MRPL20: variants seen among roughly 807,000 people sequenced by gnomAD.
The protein encoded by MRPL20 is mitochondrial ribosomal protein L20, also known as large ribosomal subunit protein bL20m.
Under a neutral mutation model 20.0 loss-of-function variants are expected in MRPL20, and 21 were observed. The observed-to-expected ratio is 1.05, with a 90% CI of 0.74 to 1.51. The LOEUF is 1.51. Among genes scored for constraint, MRPL20 ranks in the 40% most tolerant of loss-of-function variants. The pLI, the probability that MRPL20 is intolerant of heterozygous loss-of-function variation, is 0.00. For missense variants in MRPL20, 252 were observed against 185.6 expected, an observed-to-expected ratio of 1.36 and a Z score of -2.08; for synonymous variants, 104 against 73.0, an observed-to-expected ratio of 1.43 and a Z score of -2.17.
rs758238700 is a variant in MRPL20 at position 1,405,742 on chromosome 1, C to G, written c.276+67G>C. 25 of 1,613,616 alleles carry G rather than the reference C, an allele frequency of 1.5e-5. No homozygotes were observed. In the African/African-American group the frequency reaches 3.2e-4, roughly 21 times the overall value. On this transcript the variant is annotated intron_variant, in intron 3 of 3. Transcript: ENST00000344843. ...TTAGCTGGGACTACAGGAAGCACCA[C>G]CACGCCCCGCATGATGGTTTCTGCA... is the stretch of plus-strand genomic sequence containing the variant.
intron 2 of MRPL20, 65 bp from the exon 3 acceptor site, chr1:1,405,951 CTAAT>C: frequency 6.4e-7 from 1 of 1,554,660 alleles, no homozygotes; most frequent in Non-Finnish European, 8.7e-7. Context: ...AGCAAAGCCT[CTAAT>C]TGATCTAAAG....
At chr1:1,402,507 C>A in intron 3 of MRPL20, 2 of 1,238,712 alleles carry the variant, frequency 1.6e-6, no homozygotes, top group Non-Finnish European at 2.0e-6. Flanking sequence ...GATGTCGGCC[C>A]GGGGAACCAA....
intron 3 of MRPL20, 96 bp from the exon 4 acceptor site, chr1:1,402,352 C>T: frequency 6.8e-7 from 1 of 1,475,188 alleles, no homozygotes. Context: ...CCCAGCTGCA[C>T]ACTCGCCTGG....
intron 2 of MRPL20, chr1:1,406,093 C>T (rs2100398459): frequency 3.2e-6 from 2 of 616,288 alleles, no homozygotes; most frequent in South Asian, 4.2e-5. Context: ...CGGTGTCTCA[C>T]GCCTGTAATC....
At chr1:1,402,989 C>T (rs1372606019) in intron 3 of MRPL20, among the ~76,000 whole-genome samples, 4 of 151,942 alleles carry the variant, frequency 2.6e-5, no homozygotes, top group East Asian at 1.9e-4. Context: ...ATGAGCTGGG[C>T]ATGGTGGTAG....
chr1:1,405,804 C>T lies in MRPL20; in HGVS notation c.276+5G>A. 2 of 1,614,146 alleles carry T rather than the reference C, an allele frequency of 1.2e-6. No homozygotes were observed. Among genetic ancestry groups the T allele is most frequent in the Non-Finnish European group, 1.7e-6 (2 of 1,180,032 alleles). ...TTTCAGTGGGACCCACATACTCACC[C>T]ATACCTTAACTAAATTCCCAATGAG... On this transcript the variant is annotated splice_donor_5th_base_variant and intron_variant, in intron 3 of 3. Coordinates refer to ENST00000344843, the MANE Select transcript of MRPL20 (RefSeq NM_017971.4).
intron 3 of MRPL20, among the ~76,000 whole-genome samples, chr1:1,403,639 G>A (rs1275167509): frequency 6.6e-6 from 1 of 151,946 alleles, no homozygotes; most frequent in Non-Finnish European, 1.5e-5. Context: ...ACCAAAGAGT[G>A]CCTTCTGCAA....
At chr1:1,405,315 C>T (rs186099623) in intron 3 of MRPL20, 1 of 324,692 alleles carries the variant, frequency 3.1e-6, no homozygotes, top group African/African-American at 2.1e-5. Flanking sequence ...CTGCTCTCAC[C>T]TAGGCTAGAG....
In MRPL20 at chr1:1,401,958, G is replaced by T; in HGVS notation, c.*125C>A. 1 of 1,078,198 alleles carries T rather than the reference G, an allele frequency of 9.3e-7. No homozygotes were observed. The highest frequency in any genetic ancestry group is 1.3e-6 in the Non-Finnish European group (1 of 751,618). 66.8% of individuals were successfully genotyped at this position (1,078,198 alleles called of 1,614,324 possible). A position where few individuals can be genotyped will look rare whatever the true frequency, so the allele number is the denominator to read the frequency against. On this transcript the variant is annotated 3_prime_UTR_variant, in exon 4 of 4. Coordinates refer to ENST00000344843, the MANE Select transcript of MRPL20 (RefSeq NM_017971.4). ...CACAAAACATGGACATCATCTGTGAGGCTCTGTCCCAGAGAGACAGGGCCA... is the reference window on the plus strand; with the variant it reads ...CACAAAACATGGACATCATCTGTGATGCTCTGTCCCAGAGAGACAGGGCCA...
At chr1:1,402,468 A>C in intron 3 of MRPL20, 1 of 1,320,876 alleles carries the variant, frequency 7.6e-7, no homozygotes. Flanking sequence ...GCACCTGTGG[A>C]ATCTGCAGGG....
rs376242585 is a variant in MRPL20, at chr1:1,402,721, G to T, written c.277-465C>A. 2.7e-5 allele frequency: 21 copies of T among 770,126 alleles called. No homozygotes were observed. In the African/African-American group the frequency reaches 3.6e-4, roughly 13 times the overall value. 47.7% of individuals were successfully genotyped at this position (770,126 alleles called of 1,614,324 possible). The stretch of plus-strand genomic sequence containing the variant: ...CTACCAAGGCAGGGCACGGTGTCTC[G>T]CCTGTAATCCCAGCACTTTGGGAGG... On this transcript the variant is annotated intron_variant, in intron 3 of 3. Transcript: ENST00000344843.
intron 3 of MRPL20, 46 bp from the exon 4 acceptor site, chr1:1,402,302 ACTCCGG>A (rs751334389): frequency 3.8e-5 from 59 of 1,558,342 alleles, no homozygotes; most frequent in South Asian, 1.2e-4. Flanking sequence ...TGAGACACAC[ACTCCGG>A]CTCCGCGTGG....
In MRPL20 at chr1:1,403,332, C is replaced by T. The variant is rs551010044; in HGVS notation, c.277-1076G>A. Among the ~76,000 whole-genome samples, 656 of 151,692 alleles carry T rather than the reference C, an allele frequency of 4.3e-3. 2 individuals carry two copies. Among genetic ancestry groups the T allele is most frequent in the African/African-American group, 0.015 (621 of 41,378 alleles). ...GATCTCAGCTCATTGCAAGCTCCAC[C>T]TCCCAGGTTCATGCCATTCTCCTGC... On this transcript the variant is annotated intron_variant, in intron 3 of 3. Transcript: ENST00000344843.
intron 2 of MRPL20, chr1:1,406,171 C>T: frequency 2.9e-6 from 1 of 350,492 alleles, no homozygotes; most frequent in South Asian, 3.5e-5. Context: ...GCCTGACCAA[C>T]ATGGCGGAAC....
At chr1:1,404,279 G>T (rs562050848) in intron 3 of MRPL20, among the ~76,000 whole-genome samples, 2 of 150,448 alleles carry the variant, frequency 1.3e-5, no homozygotes, top group African/African-American at 4.9e-5. Flanking sequence ...TCAGCCTCCC[G>T]AGTAGCTGGG....
rs1645336195 is a variant in MRPL20 at position 1,402,133 on chromosome 1, C to T, written c.400G>A (p.Asp134Asn). The part of the protein sequence containing the change: ...RHEGFAAALG[D>N]GKEPEGIFSR... ...AAAATGCCTTCAGGTTCCTTCCCAT[C>T]CCCCAAGGCAGCAGCAAATCCTTCG... Residue 134 changes from aspartate (D) to asparagine (N), a missense_variant, in exon 4 of 4, where the codon GAT (aspartate) becomes AAT (asparagine). By Grantham distance (23) the Asp-to-Asn change is conservative. Coordinates refer to ENST00000344843, the MANE Select transcript of MRPL20 (RefSeq NM_017971.4). The T allele has an allele frequency of 1.2e-6, 2 of 1,614,042 alleles. No individual in the cohort carries two copies. Among genetic ancestry groups the T allele is most frequent in the African/African-American group, 1.3e-5 (1 of 74,936 alleles).
intron 3 of MRPL20, chr1:1,405,487 G>A (rs1645374733): frequency 1.7e-6 from 1 of 602,078 alleles, no homozygotes; most frequent in Non-Finnish European, 3.0e-6. Flanking sequence ...TGTTGCCCAG[G>A]CTGTTGCTGG....
intron 3 of MRPL20, 61 bp from the exon 4 acceptor site, chr1:1,402,317 G>A: frequency 1.3e-6 from 2 of 1,531,042 alleles, no homozygotes; most frequent in South Asian, 1.3e-5. Context: ...GGCTCCGCGT[G>A]GTTGCGGCGC....
chr1:1,406,523 A>G (rs1286566569), intron 2 of MRPL20: 2 of 264,942 alleles, frequency 7.5e-6, no homozygotes, highest in African/African-American at 4.5e-5. Flanking sequence ...CTCTTCGAGG[A>G]GCACCACGGC....
Sources: allele counts gnomAD v4.1 joint callset (sites outside exome capture counted in the v4.1 genomes callset), GRCh38; gene constraint gnomAD v4.1.1; transcripts MANE v1.5; gene names NCBI Gene and HGNC (gene_info 2026-07-23, HGNC 2026-07-21).